The following COL11A1 variants were observed in gnomAD, a reference collection of about 807,000 sequenced individuals.
COL11A1 encodes collagen type XI alpha 1 chain.
COL11A1 carries 74 observed loss-of-function variants against 265.2 expected under a neutral mutation model. The ratio of observed to expected loss-of-function variants is 0.28; its 90% CI spans 0.23 to 0.34. The LOEUF is 0.34. Ranked by LOEUF, COL11A1 falls within the 10% of genes least tolerant of loss-of-function variation. The pLI is 1.00. For missense variants in COL11A1, 2,165 were observed against 2,263.6 expected (o/e 0.96, Z 0.88); for synonymous variants, 816 against 727.6 (o/e 1.12, Z -1.96).
At chr1:102,928,003 CCT>C (rs971582803) in intron 46 of COL11A1, among the ~76,000 whole-genome samples, 6 of 152,144 alleles carry the variant, frequency 3.9e-5, no homozygotes, top group Admixed American at 1.3e-4. Context: ...CAGATCCGCC[CCT>C]GTCTGCCTGG....
intron 1 of COL11A1, among the ~76,000 whole-genome samples, chr1:103,088,441 C>T (rs1031501699): frequency 6.6e-6 from 1 of 152,126 alleles, no homozygotes; most frequent in African/African-American, 2.4e-5. Flanking sequence ...TCCCATAGAC[C>T]TCCTTGCTGC....
rs75824519 is a variant in COL11A1, at chr1:103,025,607, T to C, written c.904A>G (p.Ile302Val). The change falls in exon 7 of 67, where the codon ATC becomes GTC. Residue 302 changes from isoleucine to valine, a missense_variant. By Grantham distance (29) the Ile-to-Val change is conservative. Transcript: ENST00000370096. The stretch of plus-strand genomic sequence containing the variant: ...TTGTATTCTTGAAAATCATCAACGA[T>C]GTTTGCCTAATGGTAAATTCAGAAG... ...EETIAQTEAN[I>V]VDDFQEYNYG... The C allele has an allele frequency of 1.8e-3, 2,953 of 1,613,370 alleles. 41 individuals carry two copies. In the African/African-American group the frequency reaches 0.036, roughly 20 times the overall value.
intron 57 of COL11A1, among the ~76,000 whole-genome samples, chr1:102,897,390 A>G (rs1384365444): frequency 6.6e-6 from 1 of 151,700 alleles, no homozygotes; most frequent in African/African-American, 2.4e-5. Flanking sequence ...ATCACTCCAC[A>G]CTTAACTATT....
At chr1:102,987,539 A>G in intron 30 of COL11A1, 94 bp downstream of exon 30, 6 of 916,060 alleles carry the variant, frequency 6.5e-6, no homozygotes, top group Non-Finnish European at 5.5e-6. Flanking sequence ...ATGTAGTAAG[A>G]ACTCAATTTC....
chr1:102,958,329 T>C (rs778542340), intron 41 of COL11A1, among the ~76,000 whole-genome samples: 5 of 152,016 alleles, frequency 3.3e-5, no homozygotes, highest in Non-Finnish European at 7.4e-5. Flanking sequence ...CTTTTTTTTT[T>C]CAATATTAAT....
At position 102,886,952 on chromosome 1, in the gene COL11A1, A is replaced by G. The variant is rs1227158476; in HGVS notation, c.4713T>C (p.Asp1571=). The G allele has an allele frequency of 1.9e-6, 3 of 1,613,794 alleles. No homozygotes were observed. Among genetic ancestry groups the G allele is most frequent in the African/African-American group, 2.7e-5 (2 of 74,908 alleles). Residue 1571 remains aspartate, a synonymous_variant, in exon 63 of 67, where the codon GAT becomes GAC. Coordinates refer to ENST00000370096, the MANE Select transcript of COL11A1 (RefSeq NM_001854.4). ...ATATTTCTTCCATTCCATCCGAGTA[A>G]TCAAGAATATTATCATCTGCATCTG... is the stretch of plus-strand genomic sequence containing the variant. ...MQADADDNIL[D]YSDGMEEIFG...
intron 35 of COL11A1, among the ~76,000 whole-genome samples, chr1:102,975,949 A>G (rs1227013381): frequency 1.3e-5 from 2 of 152,134 alleles, no homozygotes; most frequent in African/African-American, 2.4e-5. Flanking sequence ...TCAAAGTTAT[A>G]TATAAAGTTA....
chr1:102,941,180 C>T (rs953912690), intron 42 of COL11A1, among the ~76,000 whole-genome samples: 2 of 152,090 alleles, frequency 1.3e-5, no homozygotes, highest in African/African-American at 4.8e-5. Context: ...CTTCCCTTAA[C>T]ATCTCCTGCT....
chr1:103,085,394 T>G (rs544719645), intron 1 of COL11A1, among the ~76,000 whole-genome samples: 1 of 152,266 alleles, frequency 6.6e-6, no homozygotes, highest in Admixed American at 6.5e-5. Context: ...TCAACCAGAC[T>G]GGGACCATTT....
chr1:102,887,907 C>T (rs564110672), intron 62 of COL11A1, among the ~76,000 whole-genome samples: 8 of 152,086 alleles, frequency 5.3e-5, no homozygotes, highest in East Asian at 1.9e-4. Flanking sequence ...CAGACCCTTC[C>T]GCCATGGACC....
intron 49 of COL11A1, among the ~76,000 whole-genome samples, chr1:102,917,050 G>GA (rs1253510993): frequency 1.3e-5 from 2 of 150,848 alleles, no homozygotes; most frequent in Non-Finnish European, 3.0e-5. Context: ...CATATAATTA[G>GA]AAAAAAAACC....
chr1:103,023,755 T>A (rs1667294398), intron 7 of COL11A1, among the ~76,000 whole-genome samples: 1 of 152,116 alleles, frequency 6.6e-6, no homozygotes, highest in South Asian at 2.1e-4. Context: ...ATAAATAAAA[T>A]AATAATATGC....
chr1:102,892,006 G>GGCAACAGATGCTGTTGGAAGT (rs1651837355), intron 57 of COL11A1, among the ~76,000 whole-genome samples: 1 of 152,038 alleles, frequency 6.6e-6, no homozygotes, highest in African/African-American at 2.4e-5. Context: ...AAACTACGCA[G>GGCAACAGATGCTGTTGGAAGT]GCAACAGATG....
chr1:103,014,367 T>A, intron 13 of COL11A1, 144 bp downstream of exon 13: 1 of 738,830 alleles, frequency 1.4e-6, no homozygotes, highest in Non-Finnish European at 2.3e-6. Context: ...ACAAATAAAA[T>A]TTTAGCAGTT....
At chr1:103,063,247 T>G (rs80151528) in intron 4 of COL11A1, among the ~76,000 whole-genome samples, 3,452 of 152,040 alleles carry the variant, frequency 0.023, 143 homozygotes, top group African/African-American at 0.079. Context: ...ACATCCAGAA[T>G]AGTCAATTAA....
intron 31 of COL11A1, among the ~76,000 whole-genome samples, chr1:102,981,099 G>C (rs1406912022): frequency 3.3e-5 from 5 of 152,142 alleles, no homozygotes; most frequent in Non-Finnish European, 5.9e-5. Flanking sequence ...GCAGCTGATA[G>C]TCAAAATAAT....
intron 1 of COL11A1, among the ~76,000 whole-genome samples, chr1:103,099,340 C>G (rs1558055331): frequency 1.3e-5 from 2 of 151,196 alleles, no homozygotes; most frequent in Non-Finnish European, 3.0e-5. Context: ...TATAATAATT[C>G]CAATATACAT....
intron 4 of COL11A1, among the ~76,000 whole-genome samples, chr1:103,070,297 T>C (rs1671480349): frequency 6.6e-6 from 1 of 151,052 alleles, no homozygotes; most frequent in Admixed American, 6.6e-5. Context: ...AAGAACTGAA[T>C]TGTATGTAAT....
intron 13 of COL11A1, among the ~76,000 whole-genome samples, chr1:103,012,856 A>G (rs943157930): frequency 1.3e-5 from 2 of 152,176 alleles, no homozygotes; most frequent in African/African-American, 4.8e-5. Context: ...AAATTCTTTT[A>G]GCAATATTTT....
Sources: allele counts gnomAD v4.1 joint callset (sites outside exome capture counted in the v4.1 genomes callset), GRCh38; gene constraint gnomAD v4.1.1; transcripts MANE v1.5; gene names NCBI Gene and HGNC (gene_info 2026-07-23, HGNC 2026-07-21).